GALNT13: variants seen among roughly 807,000 people sequenced by gnomAD.
The protein encoded by GALNT13 is polypeptide N-acetylgalactosaminyltransferase 13.
In GALNT13, 28 loss-of-function variants were observed where a neutral mutation model predicts 64.2. The observed-to-expected ratio is 0.44, with a 90% CI of 0.32 to 0.60. The LOEUF is 0.60. GALNT13 is among the 20% of genes least tolerant of loss of function. GALNT13 has a pLI of 0.05. For missense variants in GALNT13, 577 were observed against 669.8 expected, an observed-to-expected ratio of 0.86 and a Z score of 1.53; for synonymous variants, 214 against 224.6, an observed-to-expected ratio of 0.95 and a Z score of 0.42.
chr2:153,548,283 A>G, the GALNT13 span, among the ~76,000 whole-genome samples: 1 of 152,216 alleles, frequency 6.6e-6, no homozygotes, highest in East Asian at 1.9e-4. Context: ...TCCGTGGATC[A>G]TAATAAAACA....
At chr2:154,228,075 A>C (rs1688719712) in intron 4 of GALNT13, among the ~76,000 whole-genome samples, 1 of 152,064 alleles carries the variant, frequency 6.6e-6, no homozygotes, top group Non-Finnish European at 1.5e-5. Flanking sequence ...CATTTGATGA[A>C]TCCAATTTTT....
At chr2:154,023,447 G>A (rs1277748843) in intron 3 of GALNT13, among the ~76,000 whole-genome samples, 8 of 152,176 alleles carry the variant, frequency 5.3e-5, no homozygotes, top group South Asian at 4.2e-4. Flanking sequence ...ACCATTATGT[G>A]ATGGCCTTCT....
At chr2:153,267,366 G>T in the GALNT13 span, among the ~76,000 whole-genome samples, 5 of 152,198 alleles carry the variant, frequency 3.3e-5, no homozygotes, top group Non-Finnish European at 7.3e-5. Context: ...CTTGACCCCT[G>T]CAGCAGACTT....
At chr2:153,854,654 A>G in the GALNT13 span, among the ~76,000 whole-genome samples, 1 of 152,168 alleles carries the variant, frequency 6.6e-6, no homozygotes, top group African/African-American at 2.4e-5. Context: ...CTTCAAATAT[A>G]ATTAAAATAA....
the GALNT13 span, among the ~76,000 whole-genome samples, chr2:153,214,066 GT>G: frequency 6.6e-6 from 1 of 152,072 alleles, no homozygotes; most frequent in Non-Finnish European, 1.5e-5. Flanking sequence ...TAAAAAATTT[GT>G]TGTTAACTTT....
the GALNT13 span, among the ~76,000 whole-genome samples, chr2:153,806,647 C>G: frequency 1.4e-5 from 2 of 145,590 alleles, no homozygotes; most frequent in African/African-American, 5.1e-5. Context: ...GAACATGAGT[C>G]TGATAAAGAG....
At chr2:153,496,069 G>C in the GALNT13 span, among the ~76,000 whole-genome samples, 1 of 152,312 alleles carries the variant, frequency 6.6e-6, no homozygotes, top group East Asian at 1.9e-4. Context: ...CATGAAGAGT[G>C]GGGAAGGACA....
At chr2:154,010,186 C>T (rs1433488730) in intron 3 of GALNT13, among the ~76,000 whole-genome samples, 1 of 152,024 alleles carries the variant, frequency 6.6e-6, no homozygotes, top group Non-Finnish European at 1.5e-5. Flanking sequence ...TGCTAAGACG[C>T]TTCCATCTTT....
At chr2:153,361,865 T>C in the GALNT13 span, among the ~76,000 whole-genome samples, 6 of 151,934 alleles carry the variant, frequency 3.9e-5, no homozygotes, top group African/African-American at 1.4e-4. Context: ...GTTCAGGAAA[T>C]ACAGAGAACA....
At chr2:154,378,726 C>T (rs946439811) in intron 9 of GALNT13, among the ~76,000 whole-genome samples, 3 of 151,896 alleles carry the variant, frequency 2.0e-5, no homozygotes, top group Admixed American at 6.6e-5. Context: ...TTAAATTTCA[C>T]ATATGAGTGA....
chr2:153,573,885 C>T, the GALNT13 span, among the ~76,000 whole-genome samples: 360 of 152,142 alleles, frequency 2.4e-3, no homozygotes, highest in African/African-American at 8.3e-3. Context: ...ACACCAGTTA[C>T]AGTGTTAATA....
At chr2:153,241,702 C>T in the GALNT13 span, among the ~76,000 whole-genome samples, 3 of 151,798 alleles carry the variant, frequency 2.0e-5, no homozygotes, top group East Asian at 5.8e-4. Context: ...CACTATTTGT[C>T]TCTTCTGCAA....
the GALNT13 span, among the ~76,000 whole-genome samples, chr2:153,758,402 T>C: frequency 1.3e-5 from 2 of 152,108 alleles, no homozygotes; most frequent in Non-Finnish European, 2.9e-5. Flanking sequence ...TTTTGTAATA[T>C]ATTTTGAATT....
the GALNT13 span, among the ~76,000 whole-genome samples, chr2:153,693,803 A>T: frequency 1.3e-5 from 2 of 152,036 alleles, no homozygotes; most frequent in Admixed American, 1.3e-4. Context: ...ACGCTCAGTA[A>T]ATCTATATTT....
chr2:154,135,453 C>A (rs1286903761), intron 3 of GALNT13, among the ~76,000 whole-genome samples: 1 of 152,100 alleles, frequency 6.6e-6, no homozygotes, highest in Admixed American at 6.6e-5. Context: ...AAATGAAAAA[C>A]AAATCTTACT....
chr2:153,153,379 G>A, the GALNT13 span, among the ~76,000 whole-genome samples: 1 of 151,718 alleles, frequency 6.6e-6, no homozygotes, highest in Non-Finnish European at 1.5e-5. Flanking sequence ...TTATTTTTCT[G>A]TACAGAAGTC....
At chr2:153,738,900 G>C in the GALNT13 span, among the ~76,000 whole-genome samples, 2 of 151,528 alleles carry the variant, frequency 1.3e-5, no homozygotes, top group African/African-American at 2.4e-5. Flanking sequence ...TCCATATGTA[G>C]AGCCAAGTCA....
chr2:154,314,387 G>C (rs1694217797), intron 9 of GALNT13, among the ~76,000 whole-genome samples: 1 of 152,074 alleles, frequency 6.6e-6, no homozygotes, highest in South Asian at 2.1e-4. Context: ...TCTCAGCTAA[G>C]TCCCCCAAAT....
At chr2:153,609,923 G>A in the GALNT13 span, among the ~76,000 whole-genome samples, 1 of 152,206 alleles carries the variant, frequency 6.6e-6, no homozygotes, top group East Asian at 1.9e-4. Flanking sequence ...TCCTGAGCTA[G>A]GAAACTGAGC....
Sources: allele counts gnomAD v4.1 joint callset (sites outside exome capture counted in the v4.1 genomes callset), GRCh38; gene constraint gnomAD v4.1.1; transcripts MANE v1.5; gene names NCBI Gene and HGNC (gene_info 2026-07-23, HGNC 2026-07-21).